The following CDK15 variants were observed in gnomAD, a reference collection of about 807,000 sequenced individuals.
CDK15 encodes cyclin-dependent kinase 15.
Under a neutral mutation model 60.3 loss-of-function variants are expected in CDK15, and 62 were observed. The ratio of observed to expected loss-of-function variants is 1.03; its 90% CI spans 0.84 to 1.27. CDK15 has a LOEUF of 1.27. Among genes scored for constraint, CDK15 ranks in the 50% most tolerant of loss-of-function variants. The pLI is 0.00. For missense variants in CDK15, 541 were observed against 527.8 expected, an observed-to-expected ratio of 1.03 and a Z score of -0.25; for synonymous variants, 194 against 195.7, an observed-to-expected ratio of 0.99 and a Z score of 0.07.
intron 13 of CDK15, among the ~76,000 whole-genome samples, chr2:201,892,059 C>T (rs1410982810): frequency 1.3e-5 from 2 of 152,214 alleles, no homozygotes; most frequent in Non-Finnish European, 2.9e-5. Flanking sequence ...TATCGGCTTC[C>T]TGGCTCTTCT....
chr2:201,887,020 G>T, intron 12 of CDK15, among the ~76,000 whole-genome samples: 1 of 152,070 alleles, frequency 6.6e-6, no homozygotes, highest in East Asian at 1.9e-4. Flanking sequence ...TTGAATAGGG[G>T]GGAAAACCCT....
intron 6 of CDK15, among the ~76,000 whole-genome samples, chr2:201,829,776 TTTA>T (rs1292897130): frequency 6.6e-6 from 1 of 151,852 alleles, no homozygotes; most frequent in African/African-American, 2.4e-5. Context: ...TATTTATTAT[TTTA>T]TTATGTTTTA....
At chr2:201,889,337 G>A in intron 12 of CDK15, 3 of 985,294 alleles carry the variant, frequency 3.0e-6, no homozygotes, top group Non-Finnish European at 3.6e-6. Context: ...AAATTTTGCG[G>A]ATGTGCTTTG....
chr2:201,889,228 C>G, intron 12 of CDK15: 7 of 985,358 alleles, frequency 7.1e-6, no homozygotes, highest in Non-Finnish European at 8.4e-6. Flanking sequence ...TAACAGAAGG[C>G]TCTCTTTTTG....
chr2:201,825,961 C>T (rs1410068526), intron 6 of CDK15, among the ~76,000 whole-genome samples: 1 of 152,182 alleles, frequency 6.6e-6, no homozygotes, highest in Non-Finnish European at 1.5e-5. Context: ...GTGAGATTTT[C>T]AGGCTTGAGT....
At chr2:201,871,513 T>C (rs1446635261) in intron 10 of CDK15, among the ~76,000 whole-genome samples, 5 of 151,992 alleles carry the variant, frequency 3.3e-5, no homozygotes, top group Non-Finnish European at 7.4e-5. Context: ...ATTCATCACA[T>C]TTCACGCGCG....
At chr2:201,885,504 A>T (rs1018203146) in intron 12 of CDK15, among the ~76,000 whole-genome samples, 11 of 152,180 alleles carry the variant, frequency 7.2e-5, no homozygotes, top group Non-Finnish European at 1.5e-4. Flanking sequence ...TGTCCTCCAT[A>T]ACACACTTCC....
At position 201,822,832 on chromosome 2, in the gene CDK15, C is replaced by T. The variant is rs139500243; in HGVS notation, c.472C>T (p.His158Tyr). ...AGCTTCTCTCCTGAAGGGTTTGAAA[C>T]ATGCCAATATTGTGCTCCTGCATGA... ...REASLLKGLK[H>Y]ANIVLLHDII... The change falls in exon 5 of 14, where the codon CAT becomes TAT. Residue 158 changes from histidine (H) to tyrosine (Y), a missense_variant. Coordinates refer to ENST00000652192, the MANE Select transcript of CDK15 (RefSeq NM_001366386.2). 5.5e-5 allele frequency: 89 copies of T among 1,611,398 alleles called. No individual in the cohort carries two copies. Among genetic ancestry groups the T allele is most frequent in the Non-Finnish European group, 7.0e-5 (83 of 1,177,832 alleles).
chr2:201,835,881 T>C, intron 8 of CDK15, 118 bp downstream of exon 8: 2 of 315,050 alleles, frequency 6.3e-6, no homozygotes, highest in Non-Finnish European at 4.7e-6. Context: ...TTTATATATA[T>C]TTATATTTAT....
chr2:201,808,046 A>G, intron 3 of CDK15, 94 bp downstream of exon 3: 2 of 1,067,558 alleles, frequency 1.9e-6, no homozygotes, highest in Non-Finnish European at 2.8e-6. Context: ...ATAGAAGTTC[A>G]TAGCACTCAG....
intron 6 of CDK15, chr2:201,824,714 T>C: frequency 2.0e-6 from 1 of 489,716 alleles, no homozygotes; most frequent in South Asian, 2.9e-5. Context: ...ATATCAGCGC[T>C]AGCAAAATGG....
In CDK15 at chr2:201,890,763, TTC is replaced by T. The variant is rs1559154257; in HGVS notation, c.1199-16_1199-15del. On this transcript the variant is annotated intron_variant, in intron 12 of 13. Transcript: ENST00000652192. Reference sequence around the variant, plus strand: ...ATCCCAGGAAATAACATATTGGTGCTTCTCTCTTTTCATTCCTACAGAGGAGT... The same window carrying T: ...ATCCCAGGAAATAACATATTGGTGCTTCTCTTTTCATTCCTACAGAGGAGT... 1 of 1,549,774 alleles carries T rather than the reference TTC, an allele frequency of 6.5e-7. No individual in the cohort carries two copies. Among genetic ancestry groups the T allele is most frequent in the Non-Finnish European group, 8.9e-7 (1 of 1,129,284 alleles).
At chr2:201,836,491 ATATTGTCCAGGCT>A (rs1697095621) in intron 8 of CDK15, among the ~76,000 whole-genome samples, 1 of 151,748 alleles carries the variant, frequency 6.6e-6, no homozygotes, top group Admixed American at 6.6e-5. Flanking sequence ...GGGTCTTGCT[ATATTGTCCAGGCT>A]GGTCTTGAGC....
intron 4 of CDK15, among the ~76,000 whole-genome samples, chr2:201,814,556 G>A (rs539245253): frequency 5.3e-5 from 8 of 152,268 alleles, no homozygotes; most frequent in East Asian, 1.9e-4. Context: ...CATTTTTCCT[G>A]TAAGAACTTT....
In CDK15 at chr2:201,832,367, A is replaced by G. The variant is rs185377742; in HGVS notation, c.607-1481A>G. Among the ~76,000 whole-genome samples, 157 of 152,334 alleles carry G rather than the reference A, an allele frequency of 1.0e-3. 1 individual carries two copies. Among genetic ancestry groups the G allele is most frequent in the South Asian group, 3.1e-3 (15 of 4,824 alleles). ...GTCTGAAAAACGTATTTTTAAGCAC[A>G]TACTATCATATCTTCTTGTCTTTTA... On this transcript the variant is annotated intron_variant, in intron 6 of 13. Transcript: ENST00000652192.
At position 201,866,540 on chromosome 2, in the gene CDK15, A is replaced by G. The variant is rs77800460; in HGVS notation, c.1010-5738A>G. On this transcript the variant is annotated intron_variant, in intron 10 of 13. Coordinates refer to ENST00000652192, the MANE Select transcript of CDK15 (RefSeq NM_001366386.2). Reference sequence around the variant, plus strand: ...TTTGCTTTTCCTGCCTCGAATTCCAATTGAACTCAAATGAGAACTCTTTTT... The same window carrying G: ...TTTGCTTTTCCTGCCTCGAATTCCAGTTGAACTCAAATGAGAACTCTTTTT... Among the ~76,000 whole-genome samples the G allele has an allele frequency of 3.9e-3, 594 of 152,294 alleles. 3 individuals are homozygous for G. Among genetic ancestry groups the G allele is most frequent in the African/African-American group, 0.013 (550 of 41,552 alleles).
At chr2:201,844,670 T>G (rs1697563308) in intron 8 of CDK15, among the ~76,000 whole-genome samples, 1 of 151,932 alleles carries the variant, frequency 6.6e-6, no homozygotes, top group Non-Finnish European at 1.5e-5. Flanking sequence ...AAAGAAAAAA[T>G]AGGCCAAGCG....
At chr2:201,842,668 T>G (rs1350766700) in intron 8 of CDK15, among the ~76,000 whole-genome samples, 1 of 152,178 alleles carries the variant, frequency 6.6e-6, no homozygotes, top group African/African-American at 2.4e-5. Context: ...CTGAGGAATC[T>G]TTCCCCCTCT....
chr2:201,861,859 T>C (rs746728023), intron 10 of CDK15, among the ~76,000 whole-genome samples: 2 of 151,994 alleles, frequency 1.3e-5, no homozygotes, highest in African/African-American at 2.4e-5. Context: ...CTGCCTCCAT[T>C]TGGTTTTTTA....
Sources: gnomAD v4.1 joint callset for allele counts (sites outside exome capture counted in the v4.1 genomes callset) on GRCh38, gnomAD v4.1.1 for gene constraint, MANE v1.5 for transcripts, NCBI Gene and HGNC (gene_info 2026-07-23, HGNC 2026-07-21) for gene names.